The following KCTD8 variants were observed in gnomAD, a reference collection of about 807,000 sequenced individuals.
The protein encoded by KCTD8 is BTB/POZ domain-containing protein KCTD8.
KCTD8 carries 27 observed loss-of-function variants against 31.5 expected under a neutral mutation model. That is an observed-to-expected ratio of 0.86 (90% confidence interval 0.63 to 1.18). The LOEUF (loss-of-function observed/expected upper bound fraction) is 1.18, where lower values mean the gene tolerates loss of function less well. Among genes scored for constraint, KCTD8 ranks in the 50% most tolerant of loss-of-function variants. KCTD8 has a pLI of 0.00. For synonymous variants in KCTD8, 290 were observed against 280.0 expected, an observed-to-expected ratio of 1.04 and a Z score of -0.36; for missense variants, 658 against 647.7, an observed-to-expected ratio of 1.02 and a Z score of -0.17.
At chr4:44,347,585 A>T (rs1719066993) in intron 1 of KCTD8, among the ~76,000 whole-genome samples, 1 of 152,186 alleles carries the variant, frequency 6.6e-6, no homozygotes, top group Non-Finnish European at 1.5e-5. Flanking sequence ...TTTTCAGCTA[A>T]ACATCTTTAG....
At chr4:44,270,608 G>T (rs1257150768) in intron 1 of KCTD8, among the ~76,000 whole-genome samples, 1 of 151,988 alleles carries the variant, frequency 6.6e-6, no homozygotes, top group Non-Finnish European at 1.5e-5. Flanking sequence ...TATTTATTAA[G>T]ACCAAACAGT....
At chr4:44,210,258 TTACAG>T (rs550859773) in intron 1 of KCTD8, among the ~76,000 whole-genome samples, 53 of 152,236 alleles carry the variant, frequency 3.5e-4, no homozygotes, top group Non-Finnish European at 6.6e-4. Context: ...AGTCAGATTA[TTACAG>T]TAATCAGCTT....
intron 1 of KCTD8, among the ~76,000 whole-genome samples, chr4:44,371,107 G>A (rs1719772330): frequency 6.6e-6 from 1 of 152,010 alleles, no homozygotes; most frequent in Non-Finnish European, 1.5e-5. Flanking sequence ...AACCAGGAGT[G>A]CTAATGCTGG....
chr4:44,213,066 T>C (rs559414442), intron 1 of KCTD8, among the ~76,000 whole-genome samples: 1 of 151,964 alleles, frequency 6.6e-6, no homozygotes, highest in Non-Finnish European at 1.5e-5. Context: ...GCCACCCGAG[T>C]AGCTGGGTCT....
intron 1 of KCTD8, among the ~76,000 whole-genome samples, chr4:44,352,430 G>T (rs1161052009): frequency 6.7e-6 from 1 of 149,380 alleles, no homozygotes; most frequent in Non-Finnish European, 1.5e-5. Flanking sequence ...AAGAGAATAG[G>T]ACATAAAAAG....
rs187214430 is a variant in KCTD8 at position 44,413,548 on chromosome 4, T to C, written c.961+34015A>G. On this transcript the variant is annotated intron_variant, in intron 1 of 1. Coordinates refer to ENST00000360029, the MANE Select transcript of KCTD8 (RefSeq NM_198353.3). ...CATAAATGATAAAATGAGCTATATA[T>C]AGAAACTTGCTCAAAGGACCAGATT... Among the ~76,000 whole-genome samples the C allele has an allele frequency of 5.9e-5, 9 of 152,302 alleles. No individual in the cohort carries two copies. In the East Asian group the frequency reaches 1.4e-3, roughly 23 times the overall value.
At chr4:44,232,347 A>G (rs751586965) in intron 1 of KCTD8, among the ~76,000 whole-genome samples, 3 of 152,120 alleles carry the variant, frequency 2.0e-5, no homozygotes, top group Non-Finnish European at 4.4e-5. Context: ...TAAAGTGGTT[A>G]AAGCAGTTGT....
rs78014110 is a variant in KCTD8, at chr4:44,360,504, G to T, written c.961+87059C>A. On this transcript the variant is annotated intron_variant, in intron 1 of 1. Coordinates refer to ENST00000360029, the MANE Select transcript of KCTD8 (RefSeq NM_198353.3). ...GAAAACAACAATTATACTAATGGAT[G>T]ATTTTAATTATCACTACTTCCACTG... Among the ~76,000 whole-genome samples, 118 of 152,136 alleles carry T rather than the reference G, an allele frequency of 7.8e-4. No individual in the cohort carries two copies. The East Asian group carries it at 0.016, about 20-fold the overall frequency.
chr4:44,437,443 A>G (rs1721689001), intron 1 of KCTD8, among the ~76,000 whole-genome samples: 1 of 152,210 alleles, frequency 6.6e-6, no homozygotes, highest in South Asian at 2.1e-4. Flanking sequence ...TAATGAATGC[A>G]TGAATAAATA....
rs568191765 is a variant in KCTD8, at chr4:44,369,410, G to A, written c.961+78153C>T. 2.6e-5 allele frequency among the ~76,000 whole-genome samples: 4 copies of A among 152,284 alleles called. No homozygotes were observed. In the South Asian group the frequency reaches 8.3e-4, roughly 32 times the overall value. On this transcript the variant is annotated intron_variant, in intron 1 of 1. Transcript: ENST00000360029. ...AAAGACCCATTCCAACCTGTCAGCA[G>A]GATTCACACATTTTATATGAAGGAA...
chr4:44,265,142 C>T (rs1716305437), intron 1 of KCTD8, among the ~76,000 whole-genome samples: 1 of 152,114 alleles, frequency 6.6e-6, no homozygotes, highest in Admixed American at 6.5e-5. Context: ...GAGGCACCCC[C>T]CAGTAGGGGC....
At chr4:44,354,718 A>G (rs1719299197) in intron 1 of KCTD8, among the ~76,000 whole-genome samples, 1 of 152,162 alleles carries the variant, frequency 6.6e-6, no homozygotes, top group Admixed American at 6.5e-5. Context: ...CAAATGGAGA[A>G]ACTAAGGCAC....
chr4:44,375,684 T>A (rs926190684), intron 1 of KCTD8, among the ~76,000 whole-genome samples: 3 of 152,048 alleles, frequency 2.0e-5, no homozygotes, highest in African/African-American at 7.2e-5. Context: ...TTTGAAATAA[T>A]CTATAAAAAC....
chr4:44,383,789 T>G (rs1720136675), intron 1 of KCTD8, among the ~76,000 whole-genome samples: 1 of 151,784 alleles, frequency 6.6e-6, no homozygotes, highest in African/African-American at 2.4e-5. Context: ...GAATAAGATC[T>G]CAAAAGCACA....
chr4:44,253,996 G>GT (rs1338197513), intron 1 of KCTD8, among the ~76,000 whole-genome samples: 23 of 151,916 alleles, frequency 1.5e-4, no homozygotes, highest in African/African-American at 5.5e-4. Context: ...ATTAGGGACA[G>GT]TAAAAAAGGC....
At chr4:44,427,302 C>A (rs1174735999) in intron 1 of KCTD8, among the ~76,000 whole-genome samples, 1 of 151,090 alleles carries the variant, frequency 6.6e-6, no homozygotes. Context: ...TACCGAATTT[C>A]AGGGGAATCA....
intron 1 of KCTD8, among the ~76,000 whole-genome samples, chr4:44,309,243 T>C (rs1016870691): frequency 5.9e-5 from 9 of 152,020 alleles, no homozygotes; most frequent in African/African-American, 1.7e-4. Flanking sequence ...TTTTGCCATG[T>C]TGCCCAGGCA....
At chr4:44,309,686 T>C (rs1717897743) in intron 1 of KCTD8, among the ~76,000 whole-genome samples, 1 of 152,148 alleles carries the variant, frequency 6.6e-6, no homozygotes, top group African/African-American at 2.4e-5. Context: ...TTAGAATACA[T>C]TAGAGAGAGA....
chr4:44,428,572 CA>C (rs1721401660), intron 1 of KCTD8, among the ~76,000 whole-genome samples: 1 of 151,654 alleles, frequency 6.6e-6, no homozygotes, highest in Non-Finnish European at 1.5e-5. Context: ...CCTTCTCTCC[CA>C]AAAGTGTGCA....
Sources: gnomAD v4.1 joint callset for allele counts (sites outside exome capture counted in the v4.1 genomes callset) on GRCh38, gnomAD v4.1.1 for gene constraint, MANE v1.5 for transcripts, NCBI Gene and HGNC (gene_info 2026-07-23, HGNC 2026-07-21) for gene names.